Variants in FAIM2 observed in about 807,000 individuals in gnomAD.
FAIM2 encodes the protein Fas apoptotic inhibitory molecule 2.
FAIM2 carries 27 observed loss-of-function variants against 47.4 expected under a neutral mutation model. That is an observed-to-expected ratio of 0.57 (90% confidence interval 0.42 to 0.78). FAIM2 has a LOEUF of 0.78. Among genes scored for constraint, FAIM2 ranks in the 30% least tolerant of loss-of-function variants. FAIM2 has a pLI of 0.00. For synonymous variants in FAIM2, 156 were observed against 159.3 expected, an observed-to-expected ratio of 0.98 and a Z score of 0.16; for missense variants, 311 against 389.4, an observed-to-expected ratio of 0.80 and a Z score of 1.69.
rs958036734 is a variant in FAIM2, at chr12:49,886,641, AT to A, written c.801+744del. Among the ~76,000 whole-genome samples the A allele has an allele frequency of 1.0e-3, 159 of 151,760 alleles. 1 individual carries two copies. The highest frequency in any genetic ancestry group is 0.01 in the Admixed American group (156 of 15,230). On this transcript the variant is annotated intron_variant, in intron 11 of 11. Coordinates refer to ENST00000320634, the MANE Select transcript of FAIM2 (RefSeq NM_012306.4). ...AGGCGCCCGCCACCACACCCGGCTA[AT>A]TTTTTTTGTATTTTTAGTAAAGACG...
At chr12:49,900,204 T>G (rs1333338696) in intron 2 of FAIM2, 2 of 1,287,680 alleles carry the variant, frequency 1.6e-6, no homozygotes, top group South Asian at 2.5e-5. Context: ...TTCAGGGGTC[T>G]GCGCCCAGGG....
chr12:49,893,989 A>G (rs934729673), intron 5 of FAIM2, among the ~76,000 whole-genome samples: 1 of 152,186 alleles, frequency 6.6e-6, no homozygotes, highest in Non-Finnish European at 1.5e-5. Context: ...TAGCTCTTCA[A>G]CTTTCAAGAC....
intron 1 of FAIM2, 145 bp from the exon 2 acceptor site, chr12:49,901,470 C>T: frequency 1.6e-6 from 1 of 611,698 alleles, no homozygotes. Flanking sequence ...ACAAGAATGT[C>T]TCTATTTTAT....
At chr12:49,872,670 C>G (rs1045050683) in intron 11 of FAIM2, among the ~76,000 whole-genome samples, 1 of 152,180 alleles carries the variant, frequency 6.6e-6, no homozygotes, top group Admixed American at 6.5e-5. Context: ...GCAGGGCCAC[C>G]GTCAAAGGTG....
intron 11 of FAIM2, among the ~76,000 whole-genome samples, chr12:49,885,215 A>G (rs1946852987): frequency 6.6e-6 from 1 of 152,244 alleles, no homozygotes; most frequent in South Asian, 2.1e-4. Flanking sequence ...CTGTTCACCC[A>G]GCCCTACTTG....
At chr12:49,887,281 G>T in intron 11 of FAIM2, 105 bp downstream of exon 11, 1 of 1,056,016 alleles carries the variant, frequency 9.5e-7, no homozygotes. Context: ...AGGTGCTCCC[G>T]AGGATCCAGG....
rs1484353682 is a variant in FAIM2, at chr12:49,868,940, G to A, written c.*1564C>T. 6.6e-6 allele frequency: 1 copy of A among 152,338 alleles called. No homozygotes were observed. Among genetic ancestry groups the A allele is most frequent in the Non-Finnish European group, 1.5e-5 (1 of 68,076 alleles). The allele number at this position is 152,338 out of a possible 1,614,324, so 9.4% of individuals were successfully genotyped here. On this transcript the variant is annotated 3_prime_UTR_variant, in exon 12 of 12. Transcript: ENST00000320634. ...TTTCTTGAAAGCTGGGAGTAGGAAG[G>A]GTGGGGAGGGATGGGGCTGGGAAGG... is the stretch of plus-strand genomic sequence containing the variant.
rs908950733 is a variant in FAIM2, at chr12:49,878,530, G to A, written c.802-7877C>T. ...TATATGTGTGCATATGACTGTGTATGTGCATGTGTATATGTGCGTGCATGT... is the reference window on the plus strand; with the variant it reads ...TATATGTGTGCATATGACTGTGTATATGCATGTGTATATGTGCGTGCATGT... On this transcript the variant is annotated intron_variant, in intron 11 of 11. Coordinates refer to ENST00000320634, the MANE Select transcript of FAIM2 (RefSeq NM_012306.4). Among the ~76,000 whole-genome samples the A allele has an allele frequency of 1.7e-5, 2 of 118,274 alleles. 1 individual carries two copies. The highest frequency in any genetic ancestry group is 6.8e-5 in the African/African-American group (2 of 29,490). 77.6% of individuals were successfully genotyped at this position (118,274 alleles called of 152,430 possible).
intron 11 of FAIM2, among the ~76,000 whole-genome samples, chr12:49,882,103 A>G (rs193087945): frequency 4.3e-4 from 66 of 152,350 alleles, no homozygotes; most frequent in African/African-American, 1.5e-3. Flanking sequence ...ACTCTTGCAC[A>G]GTCTCCTTGA....
At chr12:49,903,718 A>T in intron 1 of FAIM2, 60 bp downstream of exon 1, 3 of 1,548,794 alleles carry the variant, frequency 1.9e-6, no homozygotes, top group Non-Finnish European at 2.6e-6. Context: ...CTTGCTGAGG[A>T]TGACAGGGAG....
At chr12:49,871,653 TC>T (rs1946703678) in intron 11 of FAIM2, among the ~76,000 whole-genome samples, 1 of 144,486 alleles carries the variant, frequency 6.9e-6, no homozygotes, top group Admixed American at 7.3e-5. Context: ...GAATTTTTTT[TC>T]TTTTCTTTTC....
chr12:49,877,975 C>CATGT (rs1212307321), intron 11 of FAIM2, among the ~76,000 whole-genome samples: 1 of 142,692 alleles, frequency 7.0e-6, no homozygotes, highest in Non-Finnish European at 1.5e-5. Context: ...TGTATGTGTG[C>CATGT]ATGTATGTGT....
In FAIM2 at chr12:49,882,036, T is replaced by A. The variant is rs11169197; in HGVS notation, c.801+5350A>T. Among the ~76,000 whole-genome samples, 395 of 152,010 alleles carry A rather than the reference T, an allele frequency of 2.6e-3. 10 individuals carry two copies. The East Asian group carries it at 0.074, about 29-fold the overall frequency. ...CTTCCAAAGCTCAGGTTGGTGGGAG[T>A]TGAGGGGAGGGTCCCCCTGGGGGTC... On this transcript the variant is annotated intron_variant, in intron 11 of 11. Transcript: ENST00000320634.
Position 49,900,827 on chromosome 12 carries a change from C to A in FAIM2, c.211+303G>T, listed in dbSNP as rs188816243. ...CTTTTTTCTAGGAGTTCTTTCTTAACTAGCCCTTAGCTTTTCTCCCTCATC... is the reference window on the plus strand; with the variant it reads ...CTTTTTTCTAGGAGTTCTTTCTTAAATAGCCCTTAGCTTTTCTCCCTCATC... On this transcript the variant is annotated intron_variant, in intron 2 of 11. Coordinates refer to ENST00000320634, the MANE Select transcript of FAIM2 (RefSeq NM_012306.4). Among the ~76,000 whole-genome samples the A allele has an allele frequency of 4.4e-3, 676 of 152,284 alleles. 5 individuals are homozygous for A. The highest frequency in any genetic ancestry group is 0.015 in the African/African-American group (642 of 41,554).
intron 5 of FAIM2, 84 bp from the exon 6 acceptor site, chr12:49,891,198 C>T (rs1009276856): frequency 7.7e-7 from 1 of 1,290,664 alleles, no homozygotes. Flanking sequence ...CACTCTCTGC[C>T]ACCCCCACCC....
intron 5 of FAIM2, 79 bp from the exon 6 acceptor site, chr12:49,891,193 T>A (rs1372773773): frequency 5.9e-6 from 8 of 1,353,654 alleles, no homozygotes; most frequent in Non-Finnish European, 2.1e-6. Context: ...TATGCCACTC[T>A]CTGCCACCCC....
chr12:49,876,385 A>G (rs73293428), intron 11 of FAIM2, among the ~76,000 whole-genome samples: 4,933 of 152,332 alleles, frequency 0.032, 269 homozygotes, highest in African/African-American at 0.11. Flanking sequence ...CTTATAGTGA[A>G]TGATAACCTT....
intron 11 of FAIM2, among the ~76,000 whole-genome samples, chr12:49,875,604 G>A (rs911497560): frequency 2.0e-5 from 3 of 152,136 alleles, no homozygotes; most frequent in Non-Finnish European, 2.9e-5. Flanking sequence ...GCAGGCATTC[G>A]AATCAAAAAG....
At chr12:49,903,731 G>A (rs536280503) in intron 1 of FAIM2, 47 bp downstream of exon 1, 9 of 1,550,374 alleles carry the variant, frequency 5.8e-6, no homozygotes, top group South Asian at 1.2e-5. Context: ...ACAGGGAGCC[G>A]GGAGCCGGAG....
Sources: allele counts gnomAD v4.1 joint callset (sites outside exome capture counted in the v4.1 genomes callset), GRCh38; gene constraint gnomAD v4.1.1; transcripts MANE v1.5; gene names NCBI Gene and HGNC (gene_info 2026-07-23, HGNC 2026-07-21).